MYO18B: variants seen among roughly 807,000 people sequenced by gnomAD.
The protein encoded by MYO18B is unconventional myosin-XVIIIb.
A neutral mutation model predicts 273.0 loss-of-function variants in MYO18B; 204 were observed. The ratio of observed to expected loss-of-function variants is 0.75; its 90% confidence interval spans 0.67 to 0.84. The LOEUF is 0.84. MYO18B is among the 40% of genes least tolerant of loss of function. The pLI is 0.00. For synonymous variants in MYO18B, 1,330 were observed against 1,305.7 expected, an observed-to-expected ratio of 1.02 and a Z score of -0.40; for missense variants, 3,212 against 3,287.6, an observed-to-expected ratio of 0.98 and a Z score of 0.56.
At chr22:25,925,141 C>G (rs2092401304) in intron 34 of MYO18B, among the ~76,000 whole-genome samples, 1 of 152,070 alleles carries the variant, frequency 6.6e-6, no homozygotes, top group Admixed American at 6.5e-5. Context: ...CCAGACTTTT[C>G]CTTAGTGTCT....
chr22:25,973,216 T>C (rs1263365557), intron 39 of MYO18B, among the ~76,000 whole-genome samples: 2 of 152,158 alleles, frequency 1.3e-5, no homozygotes, highest in Non-Finnish European at 2.9e-5. Context: ...AGTGAACCCA[T>C]GAAACATTCA....
intron 26 of MYO18B, among the ~76,000 whole-genome samples, chr22:25,891,076 A>G (rs371841711): frequency 7.9e-5 from 12 of 152,276 alleles, no homozygotes; most frequent in African/African-American, 2.4e-4. Context: ...GTCCCTGGCT[A>G]GAGAGGCGAA....
chr22:25,993,446 A>G (rs1206076561), intron 40 of MYO18B, among the ~76,000 whole-genome samples: 1 of 152,084 alleles, frequency 6.6e-6, no homozygotes, highest in Non-Finnish European at 1.5e-5. Context: ...GCCCCTGTAC[A>G]CACCTGAGCA....
intron 34 of MYO18B, among the ~76,000 whole-genome samples, chr22:25,935,518 G>C (rs1270960237): frequency 2.0e-5 from 3 of 152,136 alleles, no homozygotes; most frequent in Non-Finnish European, 4.4e-5. Flanking sequence ...ATTGGGTGAG[G>C]GGGAGGTGAG....
rs1936259943 is a variant in MYO18B at position 26,026,625 on chromosome 22, C to T, written c.6651C>T (p.Ser2217=). The change falls in exon 43 of 44, where the codon TCC becomes TCT. Residue 2217 remains serine (S), a synonymous_variant. Transcript: ENST00000335473. ...AAGTGCTTGCCGTCCAGAGAAAGTCCACAGAGAGATTAGAACCTGCTTCCT... is the reference window on the plus strand; with the variant it reads ...AAGTGCTTGCCGTCCAGAGAAAGTCTACAGAGAGATTAGAACCTGCTTCCT... ...DGEVLAVQRK[S]TERLEPASSP... 6.2e-7 allele frequency: 1 copy of T among 1,613,660 alleles called. No homozygotes were observed. Among genetic ancestry groups the T allele is most frequent in the African/African-American group, 1.3e-5 (1 of 74,856 alleles).
Position 25,761,109 on chromosome 22 carries a change from G to A in MYO18B, c.17G>A (p.Arg6His), listed in dbSNP as rs775888404. 65 of 1,613,286 alleles carry A rather than the reference G, an allele frequency of 4.0e-5. No individual in the cohort carries two copies. Among genetic ancestry groups the A allele is most frequent in the Admixed American group, 3.2e-4 (19 of 59,996 alleles). The change falls in exon 2 of 44, where the codon CGC (arginine) becomes CAC (histidine). Residue 6 changes from arginine (R) to histidine (H), a missense_variant. Physicochemically the swap from Arg to His is conservative, Grantham distance 29. Coordinates refer to ENST00000335473, the MANE Select transcript of MYO18B (RefSeq NM_032608.7). MAISS[R>H]LALWEQKIRE... ...TGCCTCAGCATGGCCATCTCATCAC[G>A]CCTCGCCCTGTGGGAGCAGAAGGAA...
chr22:25,858,170 G>A (rs993631950), intron 21 of MYO18B, among the ~76,000 whole-genome samples: 1 of 152,244 alleles, frequency 6.6e-6, no homozygotes, highest in African/African-American at 2.4e-5. Flanking sequence ...AGTGGTTAAA[G>A]TATGTGATTT....
chr22:25,990,135 T>C (rs2093249126), intron 39 of MYO18B, among the ~76,000 whole-genome samples: 1 of 152,096 alleles, frequency 6.6e-6, no homozygotes, highest in South Asian at 2.1e-4. Context: ...CTGCTGCCTC[T>C]CTCTCTCTCT....
At position 26,027,156 on chromosome 22, in the gene MYO18B, G is replaced by T; in HGVS notation, c.7182G>T (p.Ala2394=). Residue 2394 remains alanine, a synonymous_variant, in exon 43 of 44, where the codon GCG becomes GCT. Transcript: ENST00000335473. The surrounding 1 kb of genome is among the most constrained non-coding windows in gnomAD (Gnocchi z 4.1). ...RRCLESSVDD[A]GCPDLGKEPL... The stretch of plus-strand genomic sequence containing the variant: ...GTCTGGAGTCCTCTGTGGACGATGC[G>T]GGCTGTCCAGACCTTGGAAAGGAGC... 1.2e-6 allele frequency: 2 copies of T among 1,613,910 alleles called. No homozygotes were observed. Among genetic ancestry groups the T allele is most frequent in the Non-Finnish European group, 1.7e-6 (2 of 1,179,870 alleles).
At chr22:25,822,388 T>C (rs55869375) in intron 12 of MYO18B, among the ~76,000 whole-genome samples, 3,064 of 152,350 alleles carry the variant, frequency 0.02, 48 homozygotes, top group Non-Finnish European at 0.034. Context: ...TAGTTTCTGT[T>C]TGGCAGAGGG....
At chr22:25,771,738 C>T (rs9608422) in intron 6 of MYO18B, among the ~76,000 whole-genome samples, 79,313 of 152,046 alleles carry the variant, frequency 0.52, 21,058 homozygotes, top group East Asian at 0.77. Flanking sequence ...CTGAGACTAC[C>T]AGGTTCAGAA....
intron 12 of MYO18B, among the ~76,000 whole-genome samples, chr22:25,801,850 A>G (rs1335157575): frequency 6.6e-6 from 1 of 152,196 alleles, no homozygotes; most frequent in Non-Finnish European, 1.5e-5. Flanking sequence ...CATATTCCTC[A>G]GGACATAGAG....
At position 25,989,626 on chromosome 22, in the gene MYO18B, C is replaced by CAAAAAAAA. The variant is rs56004208; in HGVS notation, c.6157-2718_6157-2711dup. Among the ~76,000 whole-genome samples the CAAAAAAAA allele has an allele frequency of 2.3e-5, 2 of 88,594 alleles. 1 individual carries two copies. The highest frequency in any genetic ancestry group is 9.6e-4 in the East Asian group (2 of 2,094). The allele number at this position is 88,594 out of a possible 152,430, so 58.1% of individuals were successfully genotyped here. ...TGAAACCCTGTCTCTACTAAAAATA[C>CAAAAAAAA]AAAAAAAAAAAAAAAAAAAAAAAAA... is the stretch of plus-strand genomic sequence containing the variant. On this transcript the variant is annotated intron_variant, in intron 39 of 43. Coordinates refer to ENST00000335473, the MANE Select transcript of MYO18B (RefSeq NM_032608.7).
intron 34 of MYO18B, among the ~76,000 whole-genome samples, chr22:25,932,836 TTTG>T (rs1224662954): frequency 1.3e-5 from 2 of 151,884 alleles, no homozygotes; most frequent in Admixed American, 6.6e-5. Context: ...AATTTTTTTT[TTTG>T]TTTTTAAATG....
In MYO18B at chr22:25,745,169, G is replaced by A. The variant is rs1346442216; in HGVS notation, c.-110+2876G>A. 3.3e-5 allele frequency among the ~76,000 whole-genome samples: 5 copies of A among 152,214 alleles called. No homozygotes were observed. The East Asian group carries it at 5.8e-4, about 18-fold the overall frequency. On this transcript the variant is annotated intron_variant, in intron 1 of 43. Coordinates refer to ENST00000335473, the MANE Select transcript of MYO18B (RefSeq NM_032608.7). Reference sequence around the variant, plus strand: ...CTATCACCCAGGCTGGTGTGCAGTGGCCCAATCTCGGCTCACTGCAACCTC... The same window carrying A: ...CTATCACCCAGGCTGGTGTGCAGTGACCCAATCTCGGCTCACTGCAACCTC...
rs1324922035 is a variant in MYO18B at position 25,955,296 on chromosome 22, G to T, written c.6088G>T (p.Glu2030Ter). The change falls in exon 39 of 44, where the codon GAG (glutamate) becomes TAG (stop). Residue 2030 changes from glutamate (E) to a stop codon, truncating the protein, a stop_gained. Transcript: ENST00000335473. LOFTEE classifies it high-confidence loss of function. ...SSQYYQRRLE[E>*]LKADMEELVQ... is the part of the protein sequence containing the mutation. Reference sequence around the variant, plus strand: ...CCAGTACTACCAGCGGCGCCTGGAAGAGCTGAAGGCCGACATGGAAGAGCT... The same window carrying T: ...CCAGTACTACCAGCGGCGCCTGGAATAGCTGAAGGCCGACATGGAAGAGCT... The T allele has an allele frequency of 1.2e-6, 2 of 1,613,912 alleles. No individual in the cohort carries two copies. Among genetic ancestry groups the T allele is most frequent in the East Asian group, 4.5e-5 (2 of 44,886 alleles).
At chr22:25,878,745 G>A (rs777189517) in intron 25 of MYO18B, among the ~76,000 whole-genome samples, 5 of 152,212 alleles carry the variant, frequency 3.3e-5, no homozygotes, top group Non-Finnish European at 7.3e-5. Context: ...GTGTTGGCAA[G>A]GTTGTGTGGC....
chr22:26,033,646 C>G (rs1936711935), downstream of MYO18B, among the ~76,000 whole-genome samples: 1 of 152,162 alleles, frequency 6.6e-6, no homozygotes, highest in Admixed American at 6.5e-5. Flanking sequence ...ATCCCCATGC[C>G]TCTCAAATCC....
chr22:25,901,804 TG>T (rs2091941353), intron 29 of MYO18B, among the ~76,000 whole-genome samples: 3 of 138,832 alleles, frequency 2.2e-5, no homozygotes, highest in Admixed American at 1.5e-4. Context: ...GTTTTTGGGT[TG>T]GTTTTTTTTT....
Sources: allele counts gnomAD v4.1 joint callset (sites outside exome capture counted in the v4.1 genomes callset), GRCh38; gene constraint gnomAD v4.1.1; non-coding constraint Gnocchi (gnomAD v3.1); transcripts MANE v1.5; gene names NCBI Gene and HGNC (gene_info 2026-07-23, HGNC 2026-07-21).